TTN: variants seen among roughly 807,000 people sequenced by gnomAD.
TTN encodes titin.
In TTN, 1,525 loss-of-function variants were observed where a neutral mutation model predicts 3,223.0. That is an observed-to-expected ratio of 0.47 (90% CI 0.45 to 0.49). TTN has a LOEUF of 0.49. Among genes scored for constraint, TTN ranks in the 20% least tolerant of loss-of-function variants. The pLI, the probability that TTN is intolerant of heterozygous loss-of-function variation, is 0.00. For missense variants in TTN, 40,786 were observed against 43,424.0 expected, an observed-to-expected ratio of 0.94 and a Z score of 5.40; for synonymous variants, 14,094 against 15,161.0, an observed-to-expected ratio of 0.93 and a Z score of 5.17.
At position 178,618,768 on chromosome 2, in the gene TTN, G is replaced by A. The variant is rs397517587; in HGVS notation, c.46782C>T (p.Tyr15594=). ...TAAACCATTCAGCTTCTGCTTTGGG[G>A]TAGGCATCATATGGCACCACCATTG... The part of the protein sequence containing the change: ...PLTMVVPYDA[Y]PKAEAEWFKE... Residue 15594 remains tyrosine (Y), a synonymous_variant, in exon 251 of 363, where the codon TAC becomes TAT. Coordinates refer to ENST00000589042, the MANE Select transcript of TTN (RefSeq NM_001267550.2). 8.1e-6 allele frequency: 13 copies of A among 1,611,590 alleles called. No individual in the cohort carries two copies. In the East Asian group the frequency reaches 2.7e-4, roughly 33 times the overall value.
rs768011904 is a variant in TTN at position 178,768,803 on chromosome 2, A to C, written c.9033T>G (p.Thr3011=). The C allele has an allele frequency of 6.2e-7, 1 of 1,613,900 alleles. No homozygotes were observed. The highest frequency in any genetic ancestry group is 8.5e-7 in the Non-Finnish European group (1 of 1,179,974). Residue 3011 remains threonine, a synonymous_variant, in exon 38 of 363, where the codon ACT becomes ACG. Transcript: ENST00000589042. ...TTTTGGTTCTCATCTGGCACTTGTC[A>C]GTTGATTTGATTTCCACACCATTCT... ...WLKNGVEIKS[T]DKCQMRTKKL...
chr2:178,634,613 AAAGTC>A lies in TTN; in HGVS notation c.42163_42167del (p.Asp14055CysfsTer34). On this transcript the variant is annotated frameshift_variant, in exon 230 of 363. Transcript: ENST00000589042. LOFTEE classifies it high-confidence loss of function. The surrounding 1 kb of genome is among the most constrained non-coding windows in gnomAD (Gnocchi z 4.6). ...CAGTGACATCCTTCAGGGGCACAGC[AAAGTC>A]AAGTTCGATTTCTGAAAATCAGACA... 1 of 1,613,230 alleles carries A rather than the reference AAAGTC, an allele frequency of 6.2e-7. No individual in the cohort carries two copies. The highest frequency in any genetic ancestry group is 1.7e-4 in the Middle Eastern group (1 of 6,052).
At position 178,649,019 on chromosome 2, in the gene TTN, G is replaced by C. The variant is rs75627192; in HGVS notation, c.40057+229C>G. On this transcript the variant is annotated intron_variant, in intron 213 of 362. Coordinates refer to ENST00000589042, the MANE Select transcript of TTN (RefSeq NM_001267550.2). Reference sequence around the variant, plus strand: ...CTGTTTTACACATTGAATGAGAGAAGGTTCTTTTCTACTAGTTGTAGCCAT... The same window carrying C: ...CTGTTTTACACATTGAATGAGAGAACGTTCTTTTCTACTAGTTGTAGCCAT... Among the ~76,000 whole-genome samples, 31 of 152,212 alleles carry C rather than the reference G, an allele frequency of 2.0e-4. No individual in the cohort carries two copies. The East Asian group carries it at 5.8e-3, about 29-fold the overall frequency.
At position 178,601,918 on chromosome 2, in the gene TTN, T is replaced by A; in HGVS notation, c.55270-4A>T. On this transcript the variant is annotated splice_polypyrimidine_tract_variant and splice_region_variant and intron_variant, in intron 284 of 362. Transcript: ENST00000589042. ...CGGGTATGTCATGAACTCCATCCTA[T>A]TAGAAAAGGAGACAGTCAGTTGTAG... 6.2e-7 allele frequency: 1 copy of A among 1,612,540 alleles called. No homozygotes were observed. The highest frequency in any genetic ancestry group is 1.1e-5 in the South Asian group (1 of 90,998).
intron 313 of TTN, 91 bp from the exon 314 acceptor site, chr2:178,582,683 T>C: frequency 7.7e-7 from 1 of 1,292,906 alleles, no homozygotes; most frequent in Non-Finnish European, 1.0e-6. Flanking sequence ...CTTTCTATTG[T>C]CAATTTCCTA....
At chr2:178,620,671 CAG>C (rs1559871910) in intron 247 of TTN, 42 bp downstream of exon 247, 1 of 1,604,456 alleles carries the variant, frequency 6.2e-7, no homozygotes, top group African/African-American at 1.4e-5. Context: ...ATTTTTATAA[CAG>C]AAACTGATGA....
rs2154201196 is a variant in TTN at position 178,613,696 on chromosome 2, G to A, written c.49532+55C>T. On this transcript the variant is annotated intron_variant, in intron 263 of 362. Transcript: ENST00000589042. ...CTGTAATCCCAAGGAATACTAAAGA[G>A]TAAACATTTGAATATACTGCTGTCT... is the stretch of plus-strand genomic sequence containing the variant. The A allele has an allele frequency of 1.9e-6, 3 of 1,548,516 alleles. No homozygotes were observed. In the East Asian group the frequency reaches 6.9e-5, roughly 35 times the overall value.
At chr2:178,688,612 G>A (rs2071487000) in intron 126 of TTN, 65 bp downstream of exon 126, 2 of 1,087,104 alleles carry the variant, frequency 1.8e-6, no homozygotes, top group African/African-American at 3.1e-5. Flanking sequence ...ATCACATGTG[G>A]AAGAAGAAGA....
intron 359 of TTN, 90 bp downstream of exon 359, chr2:178,529,870 C>A: frequency 7.6e-7 from 1 of 1,319,014 alleles, no homozygotes; most frequent in Admixed American, 2.6e-5. Flanking sequence ...TTAATACTTT[C>A]TTGTATGTGT....
chr2:178,567,461 G>A lies in TTN; in HGVS notation c.78671C>T (p.Thr26224Ile), dbSNP rs756093359. ...EADVHGKPLP[T>I]IEWLRGDKEI... ...CTTATCTCCTCTTAACCACTCAATG[G>A]TAGGTAGGGGCTTTCCATGGACATC... The change falls in exon 326 of 363, where the codon ACC becomes ATC. Residue 26224 changes from threonine to isoleucine, a missense_variant. Thr to Ile is a moderately conservative substitution (Grantham distance 89). Transcript: ENST00000589042. 1 of 1,613,024 alleles carries A rather than the reference G, an allele frequency of 6.2e-7. No homozygotes were observed. The highest frequency in any genetic ancestry group is 1.1e-5 in the South Asian group (1 of 90,964).
chr2:178,748,017 G>C, intron 47 of TTN: 8 of 1,612,932 alleles, frequency 5.0e-6, no homozygotes, highest in African/African-American at 1.3e-5. Context: ...TCCTGCTTTG[G>C]AAATGCTGCC....
rs376698996 is a variant in TTN at position 178,601,827 on chromosome 2, A to G, written c.55303-40T>C. The G allele has an allele frequency of 7.4e-5, 119 of 1,604,646 alleles. No homozygotes were observed. In the African/African-American group the frequency reaches 1.4e-3, roughly 19 times the overall value. Reference sequence around the variant, plus strand: ...TAGTAGTCATACATTGAATGAAATCATAGCAATATTGAAGTCAACCATATT... The same window carrying G: ...TAGTAGTCATACATTGAATGAAATCGTAGCAATATTGAAGTCAACCATATT... On this transcript the variant is annotated intron_variant, in intron 285 of 362. Coordinates refer to ENST00000589042, the MANE Select transcript of TTN (RefSeq NM_001267550.2).
chr2:178,671,093 T>C lies in TTN; in HGVS notation c.35305A>G (p.Lys11769Glu). ...KVVPRKEPPA[K>E]VPEVPKKIVV... Reference sequence around the variant, plus strand: ...TAATTTTTCACAAAGAAGATACCTTTAGCTGGTGGCTCTTTTCGAGGAACA... The same window carrying C: ...TAATTTTTCACAAAGAAGATACCTTCAGCTGGTGGCTCTTTTCGAGGAACA... The change falls in exon 156 of 363, where the codon AAA (lysine) becomes GAA (glutamate). Residue 11769 changes from lysine to glutamate, a missense_variant. Coordinates refer to ENST00000589042, the MANE Select transcript of TTN (RefSeq NM_001267550.2). The C allele has an allele frequency of 1.2e-6, 2 of 1,602,992 alleles. No homozygotes were observed. The highest frequency in any genetic ancestry group is 2.3e-5 in the East Asian group (1 of 44,322).
Position 178,725,923 on chromosome 2 carries a change from T to G in TTN, c.20399A>C (p.Gln6800Pro). The change falls in exon 70 of 363, where the codon CAA becomes CCA. Residue 6800 changes from glutamine to proline, a missense_variant. Coordinates refer to ENST00000589042, the MANE Select transcript of TTN (RefSeq NM_001267550.2). ...FEVVWYKDKR[Q>P]LRSSKKYKIA... ...CTTGTATTTCTTGCTGCTTCTGAGT[T>G]GCCGCTTGTCTTTGTACCATACCAC... is the stretch of plus-strand genomic sequence containing the variant. 1 of 1,613,086 alleles carries G rather than the reference T, an allele frequency of 6.2e-7. No individual in the cohort carries two copies. Among genetic ancestry groups the G allele is most frequent in the Non-Finnish European group, 8.5e-7 (1 of 1,179,428 alleles).
rs774215580 is a variant in TTN at position 178,547,112 on chromosome 2, A to T, written c.94413T>A (p.Thr31471=). The change falls in exon 340 of 363, where the codon ACT becomes ACA. Residue 31471 remains threonine, a synonymous_variant. Coordinates refer to ENST00000589042, the MANE Select transcript of TTN (RefSeq NM_001267550.2). ...GATATTCCAGTCCTTCTACTAAACC[A>T]GTTACTTTGTAGTTGCACTCTAAGC... is the stretch of plus-strand genomic sequence containing the variant. ...VPCLECNYKV[T]GLVEGLEYQF... 2 of 1,613,800 alleles carry T rather than the reference A, an allele frequency of 1.2e-6. No homozygotes were observed. Among genetic ancestry groups the T allele is most frequent in the Non-Finnish European group, 1.7e-6 (2 of 1,179,762 alleles).
In TTN at chr2:178,718,370, C is replaced by T. The variant is rs578260569; in HGVS notation, c.24736G>A (p.Glu8246Lys). Residue 8246 changes from glutamate to lysine, a missense_variant, in exon 85 of 363, where the codon GAA becomes AAA. Transcript: ENST00000589042. ...CAGATATCTTGACCAGCCTCATTTT[C>T]TATCAGGCAGCTGTACTGTGCATAA... is the stretch of plus-strand genomic sequence containing the variant. ...EDYAQYSCLI[E>K]NEAGQDICEA... 27 of 1,613,796 alleles carry T rather than the reference C, an allele frequency of 1.7e-5. No individual in the cohort carries two copies. The South Asian group carries it at 2.9e-4, about 17-fold the overall frequency.
At chr2:178,691,962 G>A in intron 121 of TTN, 54 bp downstream of exon 121, 1 of 1,485,758 alleles carries the variant, frequency 6.7e-7, no homozygotes, top group Non-Finnish European at 9.2e-7. Flanking sequence ...ATCGTAGAAA[G>A]CAAAAGGCTG....
At chr2:178,691,441 T>C (rs1165663753) in intron 121 of TTN, among the ~76,000 whole-genome samples, 1 of 152,204 alleles carries the variant, frequency 6.6e-6, no homozygotes, top group Non-Finnish European at 1.5e-5. Flanking sequence ...CGGAAACATT[T>C]ATGGCAAATA....
rs775682017 is a variant in TTN, at chr2:178,542,949, A to C, written c.96905T>G (p.Val32302Gly). The C allele has an allele frequency of 1.3e-6, 2 of 1,582,318 alleles. No homozygotes were observed. Among genetic ancestry groups the C allele is most frequent in the Admixed American group, 1.8e-5 (1 of 55,040 alleles). Reference sequence around the variant, plus strand: ...TGTAGAAAGATCGATTGTTGGCAACACTATGGGAAAGAAATCAGGCATTTA... The same window carrying C: ...TGTAGAAAGATCGATTGTTGGCAACCCTATGGGAAAGAAATCAGGCATTTA... ...VTAVTVQDLR[V>G]LPTIDLSTMP... Residue 32302 changes from valine to glycine, a missense_variant and splice_region_variant, in exon 348 of 363, where the codon GTG (valine) becomes GGG (glycine). Physicochemically the swap from Val to Gly is moderately radical, Grantham distance 109. Transcript: ENST00000589042.
Sources: gnomAD v4.1 joint callset for allele counts (sites outside exome capture counted in the v4.1 genomes callset) on GRCh38, gnomAD v4.1.1 for gene constraint, Gnocchi (gnomAD v3.1) non-coding constraint, MANE v1.5 for transcripts, NCBI Gene and HGNC (gene_info 2026-07-23, HGNC 2026-07-21) for gene names.